Variants in DFFA observed in about 807,000 individuals in gnomAD.
DFFA encodes the protein DNA fragmentation factor subunit alpha.
In DFFA, 14 loss-of-function variants were observed where a neutral mutation model predicts 28.0. That is an observed-to-expected ratio of 0.50 (90% confidence interval 0.33 to 0.78). DFFA has a LOEUF of 0.78. Ranked by LOEUF, DFFA falls within the 30% of genes least tolerant of loss-of-function variation. The probability of loss-of-function intolerance (pLI) is 0.02; values close to 1 mark genes in which losing one functional copy is unlikely to be tolerated. For missense variants in DFFA, 395 were observed against 407.1 expected, an observed-to-expected ratio of 0.97 and a Z score of 0.26; for synonymous variants, 158 against 170.3, an observed-to-expected ratio of 0.93 and a Z score of 0.56.
Position 10,472,438 on chromosome 1 carries a change from G to C in DFFA, c.21C>G (p.Ala7=). 1 of 1,610,880 alleles carries C rather than the reference G, an allele frequency of 6.2e-7. No homozygotes were observed. Residue 7 remains alanine, a synonymous_variant, in exon 1 of 6, where the codon GCC becomes GCG. Coordinates refer to ENST00000377038, the MANE Select transcript of DFFA (RefSeq NM_004401.3). This position sits in a 1 kb window ranked among gnomAD's most constrained non-coding sequence, Gnocchi z 5.0. Reference sequence around the variant, plus strand: ...GGATCTCGCCAGATTCTGGTACCCCGGCGTCCCCGGTCACCTCCATCCTCC... The same window carrying C: ...GGATCTCGCCAGATTCTGGTACCCCCGCGTCCCCGGTCACCTCCATCCTCC... The part of the protein sequence containing the change: MEVTGD[A]GVPESGEIRT...
rs1020181733 is a variant in DFFA at position 10,472,149 on chromosome 1, C to T, written c.136+174G>A. On this transcript the variant is annotated intron_variant, in intron 1 of 5. Transcript: ENST00000377038. The surrounding 1 kb of genome is among the most constrained non-coding windows in gnomAD (Gnocchi z 5.0). ...GGAGTCTCACACGAGATTAATTACGCTCAAGCGCCTTAAATCTGTAAATCG... is the reference window on the plus strand; with the variant it reads ...GGAGTCTCACACGAGATTAATTACGTTCAAGCGCCTTAAATCTGTAAATCG... 2.0e-5 allele frequency: 14 copies of T among 716,512 alleles called. No homozygotes were observed. In the Admixed American group the frequency reaches 5.0e-4, roughly 26 times the overall value. 44.4% of individuals were successfully genotyped at this position (716,512 alleles called of 1,614,324 possible). A position where few individuals can be genotyped will look rare whatever the true frequency, so the allele number is the denominator to read the frequency against.
chr1:10,459,489 A>G lies in DFFA; in HGVS notation c.*2001T>C, dbSNP rs966552770. The stretch of plus-strand genomic sequence containing the variant: ...ATAGAATTTCACAATACTGAGTGAG[A>G]TATTAGCAATGGACTCTCCGTATGT... On this transcript the variant is annotated 3_prime_UTR_variant, in exon 6 of 6. Transcript: ENST00000377038. 6.6e-6 allele frequency: 1 copy of G among 152,168 alleles called. No homozygotes were observed. Among genetic ancestry groups the G allele is most frequent in the African/African-American group, 2.4e-5 (1 of 41,450 alleles). The allele number at this position is 152,168 out of a possible 1,614,324, so 9.4% of individuals were successfully genotyped here. A position where few individuals can be genotyped will look rare whatever the true frequency, so the allele number is the denominator to read the frequency against.
rs1187390161 is a variant in DFFA, at chr1:10,457,158, T to A, written c.*4332A>T. The A allele has an allele frequency of 1.3e-5, 2 of 152,294 alleles. No individual in the cohort carries two copies. The highest frequency in any genetic ancestry group is 2.9e-5 in the Non-Finnish European group (2 of 68,146). The allele number at this position is 152,294 out of a possible 1,614,324, so 9.4% of individuals were successfully genotyped here. A position where few individuals can be genotyped will look rare whatever the true frequency, so the allele number is the denominator to read the frequency against. Reference sequence around the variant, plus strand: ...TTGGGGGGGACTGGATTATTTATTTTGAGACAGGGCCTCACTCTGCCACCC... The same window carrying A: ...TTGGGGGGGACTGGATTATTTATTTAGAGACAGGGCCTCACTCTGCCACCC... On this transcript the variant is annotated 3_prime_UTR_variant, in exon 6 of 6. Transcript: ENST00000377038.
At chr1:10,466,916 G>A (rs1641030570) in intron 3 of DFFA, among the ~76,000 whole-genome samples, 1 of 127,246 alleles carries the variant, frequency 7.9e-6, no homozygotes, top group South Asian at 2.6e-4. Flanking sequence ...TTGCACCACT[G>A]CACTCCAGCC....
In DFFA at chr1:10,461,334, TG is replaced by T; in HGVS notation, c.*155del. The T allele has an allele frequency of 2.3e-6, 3 of 1,321,918 alleles. No individual in the cohort carries two copies. Among genetic ancestry groups the T allele is most frequent in the Non-Finnish European group, 3.0e-6 (3 of 1,001,206 alleles). 81.9% of individuals were successfully genotyped at this position (1,321,918 alleles called of 1,614,324 possible). A position where few individuals can be genotyped will look rare whatever the true frequency, so the allele number is the denominator to read the frequency against. ...AAGCTGGTGGGGCTAAAAAAAAAAT[TG>T]GTGGAACGGCGTATGTTGAGACCTG... On this transcript the variant is annotated 3_prime_UTR_variant, in exon 6 of 6. Transcript: ENST00000377038.
chr1:10,461,545 GC>G lies in DFFA; in HGVS notation c.940del (p.Ala314ProfsTer54). 1 of 1,614,114 alleles carries G rather than the reference GC, an allele frequency of 6.2e-7. No individual in the cohort carries two copies. Among genetic ancestry groups the G allele is most frequent in the Non-Finnish European group, 8.5e-7 (1 of 1,180,006 alleles). ...ATTCTGCAGGTCACCAGGTGGTGAG[GC>G]CTTGCTTGCTGAGATGCTCCGGAGA... ...HSLRSISASK[A>X]SPPGDLQNPK... is the part of the protein sequence containing the mutation. On this transcript the variant is annotated frameshift_variant, in exon 6 of 6. Coordinates refer to ENST00000377038, the MANE Select transcript of DFFA (RefSeq NM_004401.3). LOFTEE classifies it low-confidence loss of function (END_TRUNC).
At position 10,471,988 on chromosome 1, in the gene DFFA, A is replaced by T. The variant is rs546844774; in HGVS notation, c.136+335T>A. Among the ~76,000 whole-genome samples, 76 of 152,174 alleles carry T rather than the reference A, an allele frequency of 5.0e-4. 1 individual carries two copies. Among genetic ancestry groups the T allele is most frequent in the Non-Finnish European group, 8.7e-4 (59 of 67,994 alleles). ...CGTGGGCTCAGCTGGGGGTTCTTGT[A>T]CCATCTGAGTGTGGCGGAGTGGCAG... is the stretch of plus-strand genomic sequence containing the variant. On this transcript the variant is annotated intron_variant, in intron 1 of 5. Transcript: ENST00000377038.
chr1:10,462,817 T>A (rs1435345464), intron 5 of DFFA: 1 of 1,366,768 alleles, frequency 7.3e-7, no homozygotes, highest in African/African-American at 1.5e-5. Flanking sequence ...AGTCATTTCA[T>A]TACCAACCTT....
rs1165355870 is a variant in DFFA at position 10,458,509 on chromosome 1, C to T, written c.*2981G>A. The T allele has an allele frequency of 1.3e-5, 2 of 149,518 alleles. No individual in the cohort carries two copies. The highest frequency in any genetic ancestry group is 4.9e-5 in the African/African-American group (2 of 40,696). 9.3% of individuals were successfully genotyped at this position (149,518 alleles called of 1,614,324 possible). On this transcript the variant is annotated 3_prime_UTR_variant, in exon 6 of 6. Transcript: ENST00000377038. ...TCTATTTAATTGTTTTCTGTACCCCCATCTTTACCCTAGGACTTATTGTGA... is the reference window on the plus strand; with the variant it reads ...TCTATTTAATTGTTTTCTGTACCCCTATCTTTACCCTAGGACTTATTGTGA...
rs1224027716 is a variant in DFFA, at chr1:10,460,500, T to TTA, written c.*989_*990insTA. On this transcript the variant is annotated 3_prime_UTR_variant, in exon 6 of 6. Coordinates refer to ENST00000377038, the MANE Select transcript of DFFA (RefSeq NM_004401.3). ...TGCATCGGCCTCCAAAGTGCTGGGA[T>TTA]CAAAGGTGTGAGCCACTGTCGTGCC... The TTA allele has an allele frequency of 1.4e-5, 2 of 147,526 alleles. No homozygotes were observed. The highest frequency in any genetic ancestry group is 6.9e-5 in the Admixed American group (1 of 14,472). 9.1% of individuals were successfully genotyped at this position (147,526 alleles called of 1,614,324 possible).
rs1244155946 is a variant in DFFA, at chr1:10,461,401, G to A, written c.*89C>T. 1 of 1,503,192 alleles carries A rather than the reference G, an allele frequency of 6.7e-7. No homozygotes were observed. The highest frequency in any genetic ancestry group is 2.5e-5 in the East Asian group (1 of 40,688). 93.1% of individuals were successfully genotyped at this position (1,503,192 alleles called of 1,614,324 possible). The stretch of plus-strand genomic sequence containing the variant: ...AAGGTGCTCTAAGGCAGGGGGTAGA[G>A]TAGTACATAGGTAGTCAAATGATGA... On this transcript the variant is annotated 3_prime_UTR_variant, in exon 6 of 6. Coordinates refer to ENST00000377038, the MANE Select transcript of DFFA (RefSeq NM_004401.3).
chr1:10,465,601 C>T (rs1039322968), intron 3 of DFFA, among the ~76,000 whole-genome samples: 4 of 151,980 alleles, frequency 2.6e-5, no homozygotes, highest in African/African-American at 9.7e-5. Context: ...CCATGTTTGC[C>T]AGGATGGTCT....
rs564048284 is a variant in DFFA, at chr1:10,461,956, G to A, written c.784-254C>T. On this transcript the variant is annotated intron_variant, in intron 5 of 5. Transcript: ENST00000377038. ...TGCAAGCTCCGCCTCCCGGATTCAC[G>A]CCATTCTCCTGCCTCAGCCCCCTGA... 2.9e-5 allele frequency: 20 copies of A among 681,120 alleles called. No homozygotes were observed. In the Admixed American group the frequency reaches 5.0e-4, roughly 17 times the overall value. The allele number at this position is 681,120 out of a possible 1,614,324, so 42.2% of individuals were successfully genotyped here. A position where few individuals can be genotyped will look rare whatever the true frequency, so the allele number is the denominator to read the frequency against.
chr1:10,467,229 ATCT>A lies in DFFA; in HGVS notation c.399_401del (p.Glu133del), dbSNP rs1175441539. ...CTGATAGGAGGATGATGCTGGACAG[ATCT>A]TCTTTCAGCTGCCTGGCCACATTCT... On this transcript the variant is annotated inframe_deletion, in exon 3 of 6. Transcript: ENST00000377038. 23 of 1,613,948 alleles carry A rather than the reference ATCT, an allele frequency of 1.4e-5. No individual in the cohort carries two copies. The highest frequency in any genetic ancestry group is 7.7e-5 in the South Asian group (7 of 91,080).
intron 5 of DFFA, chr1:10,461,983 T>A: frequency 4.6e-6 from 2 of 437,788 alleles, no homozygotes; most frequent in Non-Finnish European, 6.1e-6. Flanking sequence ...GCCCCCTGAG[T>A]AGCTGGGACT....
chr1:10,465,840 C>T (rs935984148), intron 3 of DFFA, among the ~76,000 whole-genome samples: 11 of 151,952 alleles, frequency 7.2e-5, no homozygotes, highest in Admixed American at 2.6e-4. Context: ...TACAGGCACA[C>T]GCCACCACAC....
At position 10,462,110 on chromosome 1, in the gene DFFA, G is replaced by A. The variant is rs895292003; in HGVS notation, c.784-408C>T. ...CCTGACCTTGTGATCCGCCCACCTT[G>A]GCCTCCCAAAGTGCTGGGATTACAG... On this transcript the variant is annotated intron_variant, in intron 5 of 5. Coordinates refer to ENST00000377038, the MANE Select transcript of DFFA (RefSeq NM_004401.3). Among the ~76,000 whole-genome samples, 42 of 152,020 alleles carry A rather than the reference G, an allele frequency of 2.8e-4. 1 individual carries two copies. The highest frequency in any genetic ancestry group is 7.4e-5 in the Non-Finnish European group (5 of 68,012).
Position 10,472,488 on chromosome 1 carries a change from G to A in DFFA, c.-30C>T, listed in dbSNP as rs762713375. 8 of 1,560,876 alleles carry A rather than the reference G, an allele frequency of 5.1e-6. No homozygotes were observed. The highest frequency in any genetic ancestry group is 7.0e-6 in the Non-Finnish European group (8 of 1,147,198). On this transcript the variant is annotated 5_prime_UTR_variant, in exon 1 of 6. Transcript: ENST00000377038. This position sits in a 1 kb window ranked among gnomAD's most constrained non-coding sequence, Gnocchi z 5.0. ...CACAAGGTGGGACCTGCCCACCTTC[G>A]AGAAGTCGCGGGAGGCCGGAGCGGC...
intron 2 of DFFA, among the ~76,000 whole-genome samples, chr1:10,468,501 A>G (rs1248802849): frequency 2.0e-5 from 3 of 151,858 alleles, no homozygotes; most frequent in Non-Finnish European, 2.9e-5. Flanking sequence ...CCCTGGTTTG[A>G]TATGTACTAT....
Sources: allele counts gnomAD v4.1 joint callset (sites outside exome capture counted in the v4.1 genomes callset), GRCh38; gene constraint gnomAD v4.1.1; non-coding constraint Gnocchi (gnomAD v3.1); transcripts MANE v1.5; gene names NCBI Gene and HGNC (gene_info 2026-07-23, HGNC 2026-07-21).